The following HSD11B1 variants were observed in gnomAD, a reference collection of about 807,000 sequenced individuals.
HSD11B1 encodes the protein hydroxysteroid 11-beta dehydrogenase 1.
HSD11B1 carries 15 observed loss-of-function variants against 22.1 expected under a neutral mutation model. That is an observed-to-expected ratio of 0.68 (90% CI 0.45 to 1.04). HSD11B1 has a LOEUF of 1.04. Ranked by LOEUF, HSD11B1 falls within the 50% of genes least tolerant of loss-of-function variation. The probability of loss-of-function intolerance (pLI) is 0.00; values close to 1 mark genes in which losing one functional copy is unlikely to be tolerated. For synonymous variants in HSD11B1, 122 were observed against 125.2 expected, an observed-to-expected ratio of 0.97 and a Z score of 0.17; for missense variants, 281 against 357.6, an observed-to-expected ratio of 0.79 and a Z score of 1.73.
intron 4 of HSD11B1, among the ~76,000 whole-genome samples, chr1:209,718,918 G>T (rs537819882): frequency 2.0e-5 from 3 of 148,476 alleles, no homozygotes; most frequent in Non-Finnish European, 4.4e-5. Flanking sequence ...TTCTCAGGAG[G>T]CTGAGACAGG....
intron 4 of HSD11B1, among the ~76,000 whole-genome samples, chr1:209,719,449 T>C (rs2076951425): frequency 6.6e-6 from 1 of 152,222 alleles, no homozygotes; most frequent in Non-Finnish European, 1.5e-5. Flanking sequence ...TGTGGAGTTA[T>C]TGTTTAATGG....
intron 4 of HSD11B1, among the ~76,000 whole-genome samples, chr1:209,727,876 C>T (rs1046481221): frequency 5.3e-5 from 8 of 152,302 alleles, no homozygotes; most frequent in African/African-American, 1.9e-4. Context: ...TACCCCAGTC[C>T]CAACCTTACA....
rs926788505 is a variant in HSD11B1, at chr1:209,705,890, G to A, written c.168G>A (p.Lys56=). 2 of 1,614,014 alleles carry A rather than the reference G, an allele frequency of 1.2e-6. No individual in the cohort carries two copies. The highest frequency in any genetic ancestry group is 2.7e-5 in the African/African-American group (2 of 75,030). Reference sequence around the variant, plus strand: ...GAGAGATGGCTTATCATCTGGCGAAGATGGGAGCCCATGTGGTGGTGACAG... The same window carrying A: ...GAGAGATGGCTTATCATCTGGCGAAAATGGGAGCCCATGTGGTGGTGACAG... ...IGREMAYHLA[K]MGAHVVVTAR... The change falls in exon 2 of 6, where the codon AAG becomes AAA. Residue 56 remains lysine, a synonymous_variant. Coordinates refer to ENST00000367027, the MANE Select transcript of HSD11B1 (RefSeq NM_005525.4).
intron 4 of HSD11B1, among the ~76,000 whole-genome samples, chr1:209,719,019 C>CAAAAAAAAAAAAAAAAAAAAAAAAA (rs56342028): frequency 8.4e-5 from 3 of 35,706 alleles, no homozygotes; most frequent in Non-Finnish European, 9.1e-5. Context: ...GACTCCATCT[C>CAAAAAAAAAAAAAAAAAAAAAAAAA]AAAAAAAAAA....
chr1:209,703,892 A>G (rs1018679446), upstream of HSD11B1, among the ~76,000 whole-genome samples: 1 of 152,146 alleles, frequency 6.6e-6, no homozygotes, highest in African/African-American at 2.4e-5. Flanking sequence ...TCTTTCTTTG[A>G]GGATTATTCC....
intron 1 of HSD11B1, 121 bp from the exon 2 acceptor site, chr1:209,705,690 C>A: frequency 8.1e-7 from 1 of 1,231,842 alleles, no homozygotes; most frequent in Non-Finnish European, 1.2e-6. Flanking sequence ...TTGTGACAAA[C>A]TGATCTGGGC....
intron 1 of HSD11B1, 133 bp from the exon 2 acceptor site, chr1:209,705,678 G>A (rs2076853732): frequency 3.6e-6 from 4 of 1,119,462 alleles, no homozygotes; most frequent in Non-Finnish European, 5.3e-6. Flanking sequence ...GATTTACGGA[G>A]TTTGTGACAA....
chr1:209,692,101 C>T (rs2076762838), intron 1 of HSD11B1, among the ~76,000 whole-genome samples: 1 of 151,472 alleles, frequency 6.6e-6, no homozygotes, highest in Non-Finnish European at 1.5e-5. Context: ...GGAAATGGCT[C>T]AGTTATAACA....
chr1:209,723,595 T>C (rs1465771453), intron 4 of HSD11B1, among the ~76,000 whole-genome samples: 1 of 152,206 alleles, frequency 6.6e-6, no homozygotes, highest in Non-Finnish European at 1.5e-5. Context: ...CATTTCCAAA[T>C]AGGTAAGATG....
intron 4 of HSD11B1, among the ~76,000 whole-genome samples, chr1:209,711,864 G>C (rs1365614263): frequency 6.6e-6 from 1 of 152,178 alleles, no homozygotes; most frequent in Non-Finnish European, 1.5e-5. Context: ...GGGGAGATTT[G>C]AAAGGGAGGA....
chr1:209,710,056 G>A (rs1473377109), intron 4 of HSD11B1, among the ~76,000 whole-genome samples: 1 of 152,000 alleles, frequency 6.6e-6, no homozygotes, highest in Non-Finnish European at 1.5e-5. Flanking sequence ...GGGGACAGTG[G>A]GGTAGGAGAA....
At position 209,706,033 on chromosome 1, in the gene HSD11B1, C is replaced by T; in HGVS notation, c.219+92C>T. 1 of 1,534,206 alleles carries T rather than the reference C, an allele frequency of 6.5e-7. No homozygotes were observed. The highest frequency in any genetic ancestry group is 1.1e-5 in the South Asian group (1 of 88,432). On this transcript the variant is annotated intron_variant, in intron 2 of 5. Coordinates refer to ENST00000367027, the MANE Select transcript of HSD11B1 (RefSeq NM_005525.4). This position sits in a 1 kb window ranked among gnomAD's most constrained non-coding sequence, Gnocchi z 4.0. The stretch of plus-strand genomic sequence containing the variant: ...CATATACACAGAAGCTAGCATATCG[C>T]AGATCTATATACAGAGGCACATGCA...
intron 4 of HSD11B1, among the ~76,000 whole-genome samples, chr1:209,719,381 A>G (rs1023400965): frequency 1.3e-5 from 2 of 152,198 alleles, no homozygotes; most frequent in Non-Finnish European, 2.9e-5. Context: ...TAGAGTGGTG[A>G]AAGTTATACA....
chr1:209,710,638 A>G (rs1265828506), intron 4 of HSD11B1, among the ~76,000 whole-genome samples: 11 of 152,250 alleles, frequency 7.2e-5, no homozygotes, highest in Admixed American at 7.2e-4. Flanking sequence ...ATACTCGGCA[A>G]GCATACGTGT....
intron 4 of HSD11B1, among the ~76,000 whole-genome samples, chr1:209,717,055 A>T (rs1470231403): frequency 6.6e-6 from 1 of 152,200 alleles, no homozygotes; most frequent in Non-Finnish European, 1.5e-5. Context: ...GACAAAGAGG[A>T]CTATATTAAA....
Position 209,706,912 on chromosome 1 carries a change from G to C in HSD11B1, c.332-31G>C. On this transcript the variant is annotated intron_variant, in intron 3 of 5. Coordinates refer to ENST00000367027, the MANE Select transcript of HSD11B1 (RefSeq NM_005525.4). This position sits in a 1 kb window ranked among gnomAD's most constrained non-coding sequence, Gnocchi z 4.0. ...GAGAATGGGAAAGGTATCAACCCCA[G>C]ATGATTTCTTAATATAGCCATCTCT... The C allele has an allele frequency of 6.2e-7, 1 of 1,612,388 alleles. No homozygotes were observed. Among genetic ancestry groups the C allele is most frequent in the East Asian group, 2.2e-5 (1 of 44,862 alleles).
chr1:209,697,077 C>G (rs2076795437), intron 1 of HSD11B1, among the ~76,000 whole-genome samples: 1 of 152,184 alleles, frequency 6.6e-6, no homozygotes, highest in Non-Finnish European at 1.5e-5. Context: ...AACAAATGGC[C>G]AGAACTACAG....
intron 5 of HSD11B1, 34 bp downstream of exon 5, chr1:209,732,613 T>G: frequency 2.5e-6 from 4 of 1,573,842 alleles, no homozygotes; most frequent in Non-Finnish European, 2.6e-6. Context: ...TTTTTAATTA[T>G]TATACTTTAA....
intron 1 of HSD11B1, among the ~76,000 whole-genome samples, chr1:209,694,302 G>A (rs923184517): frequency 1.3e-5 from 2 of 152,288 alleles, no homozygotes; most frequent in African/African-American, 4.8e-5. Context: ...GCCAAGCACC[G>A]TACTAACTCT....
Sources: gnomAD v4.1 joint callset for allele counts (sites outside exome capture counted in the v4.1 genomes callset) on GRCh38, gnomAD v4.1.1 for gene constraint, Gnocchi (gnomAD v3.1) non-coding constraint, MANE v1.5 for transcripts, NCBI Gene and HGNC (gene_info 2026-07-23, HGNC 2026-07-21) for gene names.